The following AIM2 variants were observed in gnomAD, a reference collection of about 807,000 sequenced individuals.
AIM2 encodes the protein absent in melanoma 2, also known as interferon-inducible protein AIM2.
AIM2 carries 30 observed loss-of-function variants against 27.7 expected under a neutral mutation model. That is an observed-to-expected ratio of 1.08 (90% CI 0.81 to 1.47). The LOEUF is 1.47. Among genes scored for constraint, AIM2 ranks in the 40% most tolerant of loss-of-function variants. The probability of loss-of-function intolerance (pLI) is 0.00; values close to 1 mark genes in which losing one functional copy is unlikely to be tolerated. For missense variants in AIM2, 358 were observed against 411.3 expected (o/e 0.87, Z 1.12); for synonymous variants, 141 against 145.3 (o/e 0.97, Z 0.21).
chr1:159,089,483 T>C (rs898138112), intron 1 of AIM2, among the ~76,000 whole-genome samples: 2 of 152,208 alleles, frequency 1.3e-5, no homozygotes, highest in African/African-American at 2.4e-5. Context: ...ACATAAAGCA[T>C]GTCACTTGCT....
chr1:159,073,327 G>A lies in AIM2; in HGVS notation c.173C>T (p.Ala58Val), dbSNP rs149324922. 2.6e-5 allele frequency: 42 copies of A among 1,614,124 alleles called. No homozygotes were observed. Among genetic ancestry groups the A allele is most frequent in the Admixed American group, 3.3e-5 (2 of 60,010 alleles). ...VATLMIQNAG[A>V]VSAVMKTIRI... ...AATGGTCTTCATCACTGCAGACACC[G>A]CCCCAGCATTTTGAATCATCAAGGT... Residue 58 changes from alanine to valine, a missense_variant, in exon 2 of 6, where the codon GCG (alanine) becomes GTG (valine). By Grantham distance (64) the Ala-to-Val change is moderately conservative (BLOSUM62 0). Coordinates refer to ENST00000368130, the MANE Select transcript of AIM2 (RefSeq NM_004833.3).
chr1:159,104,216 G>C (rs970205644), intron 1 of AIM2, among the ~76,000 whole-genome samples: 2 of 152,022 alleles, frequency 1.3e-5, no homozygotes, highest in Non-Finnish European at 2.9e-5. Flanking sequence ...GGGGAAATGG[G>C]GGCAGAGCCA....
intron 1 of AIM2, among the ~76,000 whole-genome samples, chr1:159,091,249 A>T (rs774223894): frequency 6.6e-6 from 1 of 152,254 alleles, no homozygotes; most frequent in Non-Finnish European, 1.5e-5. Flanking sequence ...ATATTTAGCC[A>T]TTCTTGGTCT....
intron 2 of AIM2, 113 bp from the exon 3 acceptor site, chr1:159,068,814 C>G: frequency 1.8e-6 from 2 of 1,098,300 alleles, no homozygotes; most frequent in South Asian, 3.2e-5. Context: ...TCTTCAAGAA[C>G]AGCTAATTTT....
intron 1 of AIM2, among the ~76,000 whole-genome samples, chr1:159,102,480 C>T (rs1657337819): frequency 6.6e-6 from 1 of 152,162 alleles, no homozygotes; most frequent in Non-Finnish European, 1.5e-5. Context: ...TCCTCCAGTC[C>T]CCAGAAAGTA....
Position 159,066,164 on chromosome 1 carries a change from A to G in AIM2, c.562T>C (p.Phe188Leu), listed in dbSNP as rs761571921. The stretch of plus-strand genomic sequence containing the variant: ...AGTGTATTAAAAACTTTTACAAAGA[A>G]GAATTCCTTTTCTGTAGCCACTGTA... ...HATVATEKEF[F>L]FVKVFNTLLK... Residue 188 changes from phenylalanine to leucine, a missense_variant, in exon 4 of 6, where the codon TTC becomes CTC. Physicochemically the swap from Phe to Leu is conservative, Grantham distance 22. Coordinates refer to ENST00000368130, the MANE Select transcript of AIM2 (RefSeq NM_004833.3). 1.9e-6 allele frequency: 3 copies of G among 1,614,240 alleles called. No homozygotes were observed. The highest frequency in any genetic ancestry group is 2.5e-6 in the Non-Finnish European group (3 of 1,180,024).
chr1:159,117,888 G>A (rs927380466), intron 1 of AIM2, among the ~76,000 whole-genome samples: 3 of 152,044 alleles, frequency 2.0e-5, no homozygotes, highest in Admixed American at 6.6e-5. Context: ...CATCACTTAG[G>A]TGCAATAAAT....
At chr1:159,084,772 C>T (rs1470802924) in intron 1 of AIM2, among the ~76,000 whole-genome samples, 1 of 132,184 alleles carries the variant, frequency 7.6e-6, no homozygotes. Flanking sequence ...AAAACCCTGT[C>T]TGAAATACAC....
At position 159,062,650 on chromosome 1, in the gene AIM2, G is replaced by C; in HGVS notation, c.*42C>G. On this transcript the variant is annotated 3_prime_UTR_variant, in exon 6 of 6. Coordinates refer to ENST00000368130, the MANE Select transcript of AIM2 (RefSeq NM_004833.3). ...TGTATCACATATTCTTCAATTAAAT[G>C]CTGCTTAGACCAGTTGGCTTGAATT... The C allele has an allele frequency of 1.9e-6, 3 of 1,595,452 alleles. No homozygotes were observed. In the Middle Eastern group the frequency reaches 5.0e-4, roughly 265 times the overall value.
chr1:159,107,454 A>C (rs1036808422), intron 1 of AIM2, among the ~76,000 whole-genome samples: 3 of 152,144 alleles, frequency 2.0e-5, no homozygotes, highest in African/African-American at 7.2e-5. Flanking sequence ...TGCCTCACTG[A>C]GAAGGTACCA....
In AIM2 at chr1:159,138,508, T is replaced by C. The variant is rs114345049; in HGVS notation, c.-16+1923A>G. Reference sequence around the variant, plus strand: ...TCACTACCTAAAATGCTATTAGCTATTATAATATTTATTTACCTGTCTGTC... The same window carrying C: ...TCACTACCTAAAATGCTATTAGCTACTATAATATTTATTTACCTGTCTGTC... On this transcript the variant is annotated intron_variant, in intron 1 of 2. Transcript: ENST00000368129. Among the ~76,000 whole-genome samples, 459 of 152,354 alleles carry C rather than the reference T, an allele frequency of 3.0e-3. 1 individual carries two copies. Among genetic ancestry groups the C allele is most frequent in the Middle Eastern group, 0.02 (6 of 294 alleles).
At chr1:159,089,480 G>T (rs1656999715) in intron 1 of AIM2, among the ~76,000 whole-genome samples, 1 of 152,190 alleles carries the variant, frequency 6.6e-6, no homozygotes, top group Admixed American at 6.5e-5. Flanking sequence ...TAGACATAAA[G>T]CATGTCACTT....
At chr1:159,098,784 C>G (rs1190732041) in intron 1 of AIM2, among the ~76,000 whole-genome samples, 2 of 152,106 alleles carry the variant, frequency 1.3e-5, no homozygotes, top group Admixed American at 1.3e-4. Flanking sequence ...GTACCATGTG[C>G]TGGAGATACA....
intron 1 of AIM2, among the ~76,000 whole-genome samples, chr1:159,084,201 A>C (rs1656844672): frequency 6.6e-6 from 1 of 151,898 alleles, no homozygotes; most frequent in South Asian, 2.1e-4. Context: ...TCTTTCCATC[A>C]CTCTGCCCTG....
chr1:159,115,565 C>CAAAAACA (rs1253689621), intron 1 of AIM2, among the ~76,000 whole-genome samples: 1 of 151,872 alleles, frequency 6.6e-6, no homozygotes, highest in Non-Finnish European at 1.5e-5. Flanking sequence ...ACAAACCTGA[C>CAAAAACA]AAAAACAAAA....
At chr1:159,072,614 T>C (rs992525203) in intron 2 of AIM2, among the ~76,000 whole-genome samples, 1 of 152,150 alleles carries the variant, frequency 6.6e-6, no homozygotes, top group African/African-American at 2.4e-5. Flanking sequence ...TATTGAATAA[T>C]GTAAAAAAAA....
chr1:159,132,813 C>T (rs1024912665), intron 1 of AIM2, among the ~76,000 whole-genome samples: 1 of 152,232 alleles, frequency 6.6e-6, no homozygotes. Flanking sequence ...TTAACACCGC[C>T]TAGTAAATAT....
At chr1:159,068,833 A>G in intron 2 of AIM2, 132 bp from the exon 3 acceptor site, 1 of 990,502 alleles carries the variant, frequency 1.0e-6, no homozygotes, top group Non-Finnish European at 1.4e-6. Context: ...TTTCTTAAAA[A>G]AAAATCATAT....
At position 159,065,963 on chromosome 1, in the gene AIM2, G is replaced by A; in HGVS notation, c.763C>T (p.Leu255Phe). ...ATTGTTCCAAGGGGCTGAGTTTGAA[G>A]CGTGTTGATCTTCGGGGTTTCACCA... ...KAGETPKINT[L>F]QTQPLGTIVN... Residue 255 changes from leucine (L) to phenylalanine (F), a missense_variant, in exon 4 of 6, where the codon CTT (leucine) becomes TTT (phenylalanine). Physicochemically the swap from Leu to Phe is conservative, Grantham distance 22. Transcript: ENST00000368130. 2 of 1,614,126 alleles carry A rather than the reference G, an allele frequency of 1.2e-6. No individual in the cohort carries two copies. The highest frequency in any genetic ancestry group is 1.7e-6 in the Non-Finnish European group (2 of 1,180,016).
Sources: allele counts gnomAD v4.1 joint callset (sites outside exome capture counted in the v4.1 genomes callset), GRCh38; gene constraint gnomAD v4.1.1; transcripts MANE v1.5; gene names NCBI Gene and HGNC (gene_info 2026-07-23, HGNC 2026-07-21).